The following DRC11 variants were observed in gnomAD, a reference collection of about 807,000 sequenced individuals.
The protein encoded by DRC11 is IQ and AAA domain-containing protein 1.
chr2:236,353,251 G>A, the DRC11 span, among the ~76,000 whole-genome samples: 6 of 152,108 alleles, frequency 3.9e-5, no homozygotes, highest in African/African-American at 1.2e-4. The surrounding 1 kb of genome is among the most constrained non-coding windows in gnomAD (Gnocchi z 5.0). Flanking sequence ...AGGGCTCTTC[G>A]CTACTATCAA....
At chr2:236,366,818 CTCTT>C in the DRC11 span, among the ~76,000 whole-genome samples, 1 of 142,636 alleles carries the variant, frequency 7.0e-6, no homozygotes, top group Admixed American at 7.0e-5. Flanking sequence ...CCTCCTCTCT[CTCTT>C]TCTCTCTCTC....
chr2:236,401,839 C>T, the DRC11 span, among the ~76,000 whole-genome samples: 2 of 152,154 alleles, frequency 1.3e-5, no homozygotes, highest in Non-Finnish European at 2.9e-5. This position sits in a 1 kb window ranked among gnomAD's most constrained non-coding sequence, Gnocchi z 4.6. Context: ...TCCACTGTCA[C>T]GCTACTTCAC....
chr2:236,357,254 CTATA>C, the DRC11 span, among the ~76,000 whole-genome samples: 2 of 96,554 alleles, frequency 2.1e-5, no homozygotes, highest in Non-Finnish European at 3.7e-5. Flanking sequence ...TAGTATATAT[CTATA>C]TATTATAAAT....
chr2:236,441,225 A>G, the DRC11 span: 1 of 824,712 alleles, frequency 1.2e-6, no homozygotes, highest in East Asian at 2.7e-5. Context: ...GATGGTCATT[A>G]AGGGTGGAGG....
chr2:236,482,613 T>C, the DRC11 span, among the ~76,000 whole-genome samples: 1 of 152,182 alleles, frequency 6.6e-6, no homozygotes. This position sits in a 1 kb window ranked among gnomAD's most constrained non-coding sequence, Gnocchi z 4.5. Context: ...AATTCTAAGA[T>C]GTACATTTTT....
At chr2:236,459,546 CGT>C in the DRC11 span, among the ~76,000 whole-genome samples, 2 of 118,130 alleles carry the variant, frequency 1.7e-5, no homozygotes, top group African/African-American at 3.4e-5. Flanking sequence ...TATACGTATA[CGT>C]ATACATGTAT....
the DRC11 span, chr2:236,408,467 G>T: frequency 1.4e-6 from 1 of 739,764 alleles, no homozygotes; most frequent in Non-Finnish European, 2.5e-6. The surrounding 1 kb of genome is among the most constrained non-coding windows in gnomAD (Gnocchi z 5.5). Context: ...GGTATGGGCT[G>T]CTCTAGCCTC....
At chr2:236,385,018 A>G in the DRC11 span, among the ~76,000 whole-genome samples, 2 of 151,994 alleles carry the variant, frequency 1.3e-5, no homozygotes, top group Non-Finnish European at 2.9e-5. Context: ...CCATTGATCT[A>G]TATCTCTGTT....
At chr2:236,471,731 G>A in the DRC11 span, among the ~76,000 whole-genome samples, 20 of 152,226 alleles carry the variant, frequency 1.3e-4, no homozygotes, top group African/African-American at 4.8e-4. This position sits in a 1 kb window ranked among gnomAD's most constrained non-coding sequence, Gnocchi z 4.6. Context: ...GACACAAAGG[G>A]GTCAAGGTGC....
At chr2:236,446,318 G>C in the DRC11 span, among the ~76,000 whole-genome samples, 2 of 152,060 alleles carry the variant, frequency 1.3e-5, no homozygotes, top group African/African-American at 4.8e-5. This position sits in a 1 kb window ranked among gnomAD's most constrained non-coding sequence, Gnocchi z 6.2. Context: ...GATGATCACA[G>C]ACCAGTGAAT....
the DRC11 span, chr2:236,487,921 A>C: frequency 1.0e-6 from 1 of 977,336 alleles, no homozygotes; most frequent in Non-Finnish European, 1.4e-6. Context: ...TGAGTTTTGA[A>C]GCTCAGCCCC....
At chr2:236,348,705 G>A in the DRC11 span, among the ~76,000 whole-genome samples, 193 of 152,316 alleles carry the variant, frequency 1.3e-3, 2 homozygotes, top group Non-Finnish European at 1.9e-3. This position sits in a 1 kb window ranked among gnomAD's most constrained non-coding sequence, Gnocchi z 7.4. Flanking sequence ...GTTGTCTGGC[G>A]TTAGCAGTTT....
the DRC11 span, among the ~76,000 whole-genome samples, chr2:236,347,508 C>CTATATATATATA: frequency 5.5e-3 from 589 of 107,486 alleles, 34 homozygotes; most frequent in African/African-American, 0.01. Context: ...AAAAACTGTG[C>CTATATATATATA]TATATATATA....
chr2:236,462,549 T>C, the DRC11 span, among the ~76,000 whole-genome samples: 1 of 152,144 alleles, frequency 6.6e-6, no homozygotes, highest in Non-Finnish European at 1.5e-5. The surrounding 1 kb of genome is among the most constrained non-coding windows in gnomAD (Gnocchi z 6.4). Context: ...TATGCACCTG[T>C]AATCCCAGCT....
At chr2:236,491,217 C>G in the DRC11 span, among the ~76,000 whole-genome samples, 1 of 33,524 alleles carries the variant, frequency 3.0e-5, no homozygotes, top group African/African-American at 1.7e-4. Context: ...TATATACACA[C>G]AGTATATATA....
the DRC11 span, among the ~76,000 whole-genome samples, chr2:236,431,337 G>C: frequency 6.6e-6 from 1 of 152,194 alleles, no homozygotes; most frequent in African/African-American, 2.4e-5. The surrounding 1 kb of genome is among the most constrained non-coding windows in gnomAD (Gnocchi z 4.2). Flanking sequence ...TTACAATCAT[G>C]GTGGAAGGGG....
the DRC11 span, among the ~76,000 whole-genome samples, chr2:236,376,557 A>G: frequency 6.6e-6 from 1 of 152,342 alleles, no homozygotes; most frequent in Non-Finnish European, 1.5e-5. The surrounding 1 kb of genome is among the most constrained non-coding windows in gnomAD (Gnocchi z 5.7). Context: ...ACGGTAGTAC[A>G]GTTATGAGGA....
chr2:236,331,649 G>C, the DRC11 span: 1 of 1,362,396 alleles, frequency 7.3e-7, no homozygotes, highest in South Asian at 1.2e-5. The surrounding 1 kb of genome is among the most constrained non-coding windows in gnomAD (Gnocchi z 4.8). Context: ...AGAGAAATCA[G>C]TGCCAGTTTC....
At chr2:236,445,552 C>T in the DRC11 span, among the ~76,000 whole-genome samples, 1 of 151,586 alleles carries the variant, frequency 6.6e-6, no homozygotes, top group African/African-American at 2.4e-5. This position sits in a 1 kb window ranked among gnomAD's most constrained non-coding sequence, Gnocchi z 4.8. Context: ...GCTGGCCAGG[C>T]TGGTCTCAAA....
Sources: allele counts gnomAD v4.1 joint callset (sites outside exome capture counted in the v4.1 genomes callset), GRCh38; gene constraint gnomAD v4.1.1; non-coding constraint Gnocchi (gnomAD v3.1); transcripts MANE v1.5; gene names NCBI Gene and HGNC (gene_info 2026-07-23, HGNC 2026-07-21).